Variants in SPAST observed in about 807,000 individuals in gnomAD.
SPAST encodes spastic paraplegia 4 (autosomal dominant; spastin).
In SPAST, 30 loss-of-function variants were observed where a neutral mutation model predicts 76.6. That is an observed-to-expected ratio of 0.39 (90% confidence interval 0.29 to 0.53). The LOEUF is 0.53. Ranked by LOEUF, SPAST falls within the 20% of genes least tolerant of loss-of-function variation. The pLI, the probability that SPAST is intolerant of heterozygous loss-of-function variation, is 0.68. For missense variants in SPAST, 717 were observed against 770.5 expected (o/e 0.93, Z 0.82); for synonymous variants, 305 against 281.0 (o/e 1.09, Z -0.86).
intron 6 of SPAST, 132 bp downstream of exon 6, chr2:32,115,967 A>G: frequency 1.0e-6 from 1 of 959,736 alleles, no homozygotes. Context: ...GATAGTTTTC[A>G]ATTATAAATG....
Position 32,087,562 on chromosome 2 carries a change from T to A in SPAST, c.486T>A (p.Val162=). The change falls in exon 2 of 17, where the codon GTT becomes GTA. Residue 162 remains valine (V), a synonymous_variant. Coordinates refer to ENST00000315285, the MANE Select transcript of SPAST (RefSeq NM_014946.4). ...GIEELEKGIA[V]IVTGQGEQCE... is the part of the protein sequence containing the mutation. Reference sequence around the variant, plus strand: ...AAGAACTGGAAAAAGGAATAGCTGTTATAGTTACAGGACAAGGTAAGATTG... The same window carrying A: ...AAGAACTGGAAAAAGGAATAGCTGTAATAGTTACAGGACAAGGTAAGATTG... 6.3e-7 allele frequency: 1 copy of A among 1,593,616 alleles called. No individual in the cohort carries two copies. The highest frequency in any genetic ancestry group is 8.6e-7 in the Non-Finnish European group (1 of 1,162,380).
At chr2:32,128,724 G>A in intron 9 of SPAST, 1 of 486,622 alleles carries the variant, frequency 2.1e-6, no homozygotes. Context: ...TTAAACATCA[G>A]CAATTTATTG....
At chr2:32,119,851 A>G (rs1364886185) in intron 7 of SPAST, among the ~76,000 whole-genome samples, 1 of 152,148 alleles carries the variant, frequency 6.6e-6, no homozygotes, top group East Asian at 1.9e-4. Flanking sequence ...TCCTTATTTC[A>G]TAGATCTCTT....
chr2:32,133,515 G>A (rs1679437361), intron 9 of SPAST, among the ~76,000 whole-genome samples: 1 of 152,162 alleles, frequency 6.6e-6, no homozygotes, highest in Non-Finnish European at 1.5e-5. Context: ...GTGTGTATGT[G>A]TATTTGGCTT....
chr2:32,117,146 G>A (rs575603350), intron 7 of SPAST, among the ~76,000 whole-genome samples: 34 of 152,128 alleles, frequency 2.2e-4, no homozygotes, highest in African/African-American at 7.0e-4. Context: ...CCAGCTACTC[G>A]GGATGCTGAG....
intron 14 of SPAST, among the ~76,000 whole-genome samples, 156 bp downstream of exon 14, chr2:32,143,571 C>T (rs1679791827): frequency 6.6e-6 from 1 of 151,854 alleles, no homozygotes; most frequent in Non-Finnish European, 1.5e-5. Context: ...TTTTTCTTAC[C>T]TCTTGTTCTT....
chr2:32,145,083 C>A, intron 15 of SPAST, 76 bp downstream of exon 15: 1 of 1,108,938 alleles, frequency 9.0e-7, no homozygotes, highest in South Asian at 1.3e-5. Flanking sequence ...CCAAAAAAAT[C>A]TACCAAGAGA....
intron 9 of SPAST, among the ~76,000 whole-genome samples, chr2:32,131,423 C>T (rs1410833064): frequency 3.9e-5 from 6 of 152,152 alleles, no homozygotes; most frequent in African/African-American, 9.7e-5. Context: ...GGTCTCCATG[C>T]GGGCAGAGAC....
chr2:32,083,765 TATATA>T (rs1558620227), intron 1 of SPAST, among the ~76,000 whole-genome samples: 11 of 97,978 alleles, frequency 1.1e-4, no homozygotes, highest in East Asian at 3.1e-4. Context: ...TATATATATA[TATATA>T]TATATATTTT....
At chr2:32,106,066 C>G (rs894927528) in intron 4 of SPAST, among the ~76,000 whole-genome samples, 38 of 152,190 alleles carry the variant, frequency 2.5e-4, no homozygotes, top group African/African-American at 8.4e-4. Context: ...GAGGTGGAGT[C>G]TACAGAGGCA....
At chr2:32,128,643 GTACATTTGTGTTGTCAA>G in intron 9 of SPAST, 164 bp downstream of exon 9, 1 of 633,990 alleles carries the variant, frequency 1.6e-6, no homozygotes, top group Non-Finnish European at 2.8e-6. Flanking sequence ...AGAAAGTTAT[GTACATTTGTGTTGTCAA>G]ATACTGTATT....
In SPAST at chr2:32,075,144, C is replaced by T. The variant is rs116111090; in HGVS notation, c.415+10898C>T. On this transcript the variant is annotated intron_variant, in intron 1 of 16. Coordinates refer to ENST00000315285, the MANE Select transcript of SPAST (RefSeq NM_014946.4). Reference sequence around the variant, plus strand: ...GAGGTATTTAAACAGTGATATAGGCCGGGCGTGGTGGCTCACGCTTGTAAT... The same window carrying T: ...GAGGTATTTAAACAGTGATATAGGCTGGGCGTGGTGGCTCACGCTTGTAAT... 9.5e-3 allele frequency among the ~76,000 whole-genome samples: 1,448 copies of T among 151,954 alleles called. 22 individuals carry two copies. The highest frequency in any genetic ancestry group is 0.033 in the African/African-American group (1,347 of 41,446).
intron 1 of SPAST, among the ~76,000 whole-genome samples, chr2:32,081,797 A>AAAAAAAAAAC (rs1677239500): frequency 6.7e-6 from 1 of 149,232 alleles, no homozygotes; most frequent in African/African-American, 2.4e-5. Context: ...AAAAAAAAAA[A>AAAAAAAAAAC]AAAAAAAGGA....
chr2:32,112,886 A>G (rs1403080938), intron 4 of SPAST, among the ~76,000 whole-genome samples: 1 of 151,992 alleles, frequency 6.6e-6, no homozygotes, highest in Non-Finnish European at 1.5e-5. Flanking sequence ...ATTTGTCTTC[A>G]CAGTAAACAT....
chr2:32,115,075 A>G (rs373926158), intron 5 of SPAST, among the ~76,000 whole-genome samples: 1 of 151,390 alleles, frequency 6.6e-6, no homozygotes, highest in Non-Finnish European at 1.5e-5. Context: ...CAGCCTCCCA[A>G]GTAGCTGGGA....
At chr2:32,091,122 C>T (rs973863949) in intron 3 of SPAST, among the ~76,000 whole-genome samples, 5 of 151,916 alleles carry the variant, frequency 3.3e-5, no homozygotes, top group South Asian at 4.2e-4. Flanking sequence ...CTCTACCATA[C>T]GTTGGTGGAT....
At chr2:32,143,029 G>C (rs1679772756) in intron 13 of SPAST, among the ~76,000 whole-genome samples, 1 of 152,122 alleles carries the variant, frequency 6.6e-6, no homozygotes, top group African/African-American at 2.4e-5. Context: ...ACTTTGGGAG[G>C]CTGAGGTGGG....
intron 4 of SPAST, among the ~76,000 whole-genome samples, chr2:32,108,595 G>A (rs1286192252): frequency 6.6e-6 from 1 of 151,600 alleles, no homozygotes; most frequent in Non-Finnish European, 1.5e-5. Flanking sequence ...GGGACTACAG[G>A]TGGGCACCAC....
intron 14 of SPAST, among the ~76,000 whole-genome samples, 199 bp from the exon 15 acceptor site, chr2:32,144,738 A>G (rs1336647105): frequency 1.3e-5 from 2 of 152,066 alleles, no homozygotes; most frequent in Non-Finnish European, 2.9e-5. Flanking sequence ...ACAAAAAAAA[A>G]ATTAGCCAGG....
Sources: gnomAD v4.1 joint callset for allele counts (sites outside exome capture counted in the v4.1 genomes callset) on GRCh38, gnomAD v4.1.1 for gene constraint, MANE v1.5 for transcripts, NCBI Gene and HGNC (gene_info 2026-07-23, HGNC 2026-07-21) for gene names.